Variants in TRPM5 observed in about 807,000 individuals in gnomAD.
TRPM5 encodes the protein MLSN1 and TRP-related.
TRPM5 carries 121 observed loss-of-function variants against 124.9 expected under a neutral mutation model. That is an observed-to-expected ratio of 0.97 (90% CI 0.84 to 1.13). The LOEUF is 1.13. Ranked by LOEUF, TRPM5 falls within the 50% of genes most tolerant of loss-of-function variation. The probability of loss-of-function intolerance (pLI) is 0.00; values close to 1 mark genes in which losing one functional copy is unlikely to be tolerated. For synonymous variants in TRPM5, 781 were observed against 700.5 expected (o/e 1.11, Z -1.81); for missense variants, 1,643 against 1,589.1 (o/e 1.03, Z -0.58).
At chr11:2,404,190 A>G (rs565284191), downstream of TRPM5, among the ~76,000 whole-genome samples, 387 of 152,282 alleles carry the variant, frequency 2.5e-3, 3 homozygotes, top group African/African-American at 9.0e-3. Flanking sequence ...CGAAAGGGAG[A>G]TGACAAAATG....
chr11:2,410,062 C>T (rs992353399), intron 18 of TRPM5, among the ~76,000 whole-genome samples: 11 of 152,170 alleles, frequency 7.2e-5, no homozygotes, highest in African/African-American at 1.4e-4. Context: ...GCCCTGCGGA[C>T]GGGCAGTGCT....
the TRPM5 span, among the ~76,000 whole-genome samples, chr11:2,430,988 C>G: frequency 2.6e-5 from 4 of 151,838 alleles, no homozygotes; most frequent in Non-Finnish European, 5.9e-5. Context: ...TGATGCTGGT[C>G]GTGGTAATAG....
chr11:2,415,498 AG>A, intron 8 of TRPM5, 27 bp from the exon 14 acceptor site: 1 of 1,474,292 alleles, frequency 6.8e-7, no homozygotes. Context: ...ACCCGAGGGA[AG>A]GGGGACAAGA....
chr11:2,407,370 C>A, intron 19 of TRPM5, 70 bp from the exon 25 acceptor site: 2 of 1,442,482 alleles, frequency 1.4e-6, no homozygotes, highest in African/African-American at 1.4e-5. Flanking sequence ...TCCCCCTGCA[C>A]CCTGATTGCT....
intron 4 of TRPM5, among the ~76,000 whole-genome samples, chr11:2,419,886 G>C (rs1021742019): frequency 9.2e-5 from 14 of 152,130 alleles, no homozygotes; most frequent in African/African-American, 3.4e-4. Flanking sequence ...TTCAACTCAC[G>C]ATCTCATTTT....
At chr11:2,412,833 G>A (rs1375469546) in exon 15 of TRPM5, 13 of 1,603,342 alleles carry the variant, frequency 8.1e-6, no homozygotes, top group South Asian at 3.3e-5. Flanking sequence ...CTGGGGGGGC[G>A]GCCTGAAGTC....
chr11:2,418,719 T>C (rs1350761429), intron 4 of TRPM5, 128 bp from the exon 10 acceptor site: 2 of 913,254 alleles, frequency 2.2e-6, no homozygotes, highest in Non-Finnish European at 1.7e-6. Flanking sequence ...GGGCTTCGTC[T>C]GGGCCACGTG....
the TRPM5 span, among the ~76,000 whole-genome samples, chr11:2,435,581 GTCCATCCATCCATCCATCCA>G: frequency 6.7e-6 from 1 of 150,110 alleles, no homozygotes; most frequent in East Asian, 2.0e-4. The surrounding 1 kb of genome is among the most constrained non-coding windows in gnomAD (Gnocchi z 4.1). Context: ...CCATCTGTCT[GTCCATCCATCCATCCATCCA>G]TCCATCCATC....
exon 11 of TRPM5, chr11:2,414,730 C>T (rs1157622684): frequency 2.8e-5 from 43 of 1,541,768 alleles, no homozygotes; most frequent in Middle Eastern, 1.9e-4. Context: ...GCCAGCCGCT[C>T]GTATTTCGCC....
At chr11:2,418,904 G>A (rs974444023) in intron 4 of TRPM5, among the ~76,000 whole-genome samples, 10 of 152,216 alleles carry the variant, frequency 6.6e-5, no homozygotes, top group African/African-American at 1.2e-4. Context: ...CACTGCACGC[G>A]CTCATGCTGA....
intron 22 of TRPM5, 50 bp downstream of exon 27, chr11:2,405,969 A>G (rs1373783634): frequency 6.5e-7 from 1 of 1,543,176 alleles, no homozygotes; most frequent in Admixed American, 1.7e-5. Flanking sequence ...CAGTAGCCCC[A>G]CGCAGCCACC....
At chr11:2,412,971 C>T (rs1030994131) in exon 15 of TRPM5, 87 of 1,605,940 alleles carry the variant, frequency 5.4e-5, no homozygotes, top group African/African-American at 9.3e-5. Flanking sequence ...ACGTGGGCCT[C>T]GGTCACCCTG....
At chr11:2,427,399 G>A (rs988651656), upstream of TRPM5, among the ~76,000 whole-genome samples, 1 of 152,248 alleles carries the variant, frequency 6.6e-6, no homozygotes, top group Non-Finnish European at 1.5e-5. Context: ...ACCTTGCAGG[G>A]TGTGCCTGTG....
rs892915914 is a variant in TRPM5, at chr11:2,418,520, C to T, written c.714+7G>A. 5 of 1,609,354 alleles carry T rather than the reference C, an allele frequency of 3.1e-6. No homozygotes were observed. The highest frequency in any genetic ancestry group is 4.2e-6 in the Non-Finnish European group (5 of 1,178,518). On this transcript the variant is annotated splice_region_variant and intron_variant, in intron 5 of 23. Transcript: ENST00000155858. ...GGCCAGCCAGGGGGCCTCAGCCAGG[C>T]CCCTACCTCCAAGGTGTTGGGATCA...
intron 7 of TRPM5, 116 bp downstream of exon 12, chr11:2,417,611 G>T: frequency 1.3e-6 from 1 of 741,348 alleles, no homozygotes; most frequent in Non-Finnish European, 2.2e-6. Flanking sequence ...CATCTTTCCT[G>T]GGAAGGGGCA....
chr11:2,408,622 A>C (rs906541214), intron 18 of TRPM5, among the ~76,000 whole-genome samples: 14 of 152,156 alleles, frequency 9.2e-5, no homozygotes, highest in Admixed American at 9.2e-4. Flanking sequence ...ATCTCACTCC[A>C]GTCCCTTAAA....
At chr11:2,411,305 G>T in intron 18 of TRPM5, 47 bp downstream of exon 23, 2 of 1,498,754 alleles carry the variant, frequency 1.3e-6, no homozygotes, top group East Asian at 2.4e-5. Context: ...TGTGCACACA[G>T]GGCTCCAATT....
At chr11:2,414,357 G>T in intron 11 of TRPM5, 151 bp from the exon 17 acceptor site, 1 of 1,179,820 alleles carries the variant, frequency 8.5e-7, no homozygotes, top group Non-Finnish European at 1.2e-6. Flanking sequence ...GCCCCCTCCG[G>T]CCTGCTCCGG....
upstream of TRPM5, among the ~76,000 whole-genome samples, chr11:2,424,895 G>T (rs1192627763): frequency 1.3e-5 from 2 of 152,218 alleles, no homozygotes; most frequent in African/African-American, 4.8e-5. Flanking sequence ...CCACCCACGG[G>T]CCTCAGCCCC....
Sources: gnomAD v4.1 joint callset for allele counts (sites outside exome capture counted in the v4.1 genomes callset) on GRCh38, gnomAD v4.1.1 for gene constraint, Gnocchi (gnomAD v3.1) non-coding constraint, MANE v1.5 for transcripts, NCBI Gene and HGNC (gene_info 2026-07-23, HGNC 2026-07-21) for gene names.